The following SKA2 variants were observed in gnomAD, a reference collection of about 807,000 sequenced individuals.
The protein encoded by SKA2 is spindle and kinetochore-associated protein 2.
SKA2 carries 13 observed loss-of-function variants against 16.9 expected under a neutral mutation model. The observed-to-expected ratio is 0.77, with a 90% CI of 0.50 to 1.22. The LOEUF (loss-of-function observed/expected upper bound fraction) is 1.22, where lower values mean the gene tolerates loss of function less well. Among genes scored for constraint, SKA2 ranks in the 50% most tolerant of loss-of-function variants. The probability of loss-of-function intolerance (pLI) is 0.00; values close to 1 mark genes in which losing one functional copy is unlikely to be tolerated. For synonymous variants in SKA2, 47 were observed against 48.5 expected, an observed-to-expected ratio of 0.97 and a Z score of 0.13; for missense variants, 107 against 139.7, an observed-to-expected ratio of 0.77 and a Z score of 1.18.
intron 2 of SKA2, among the ~76,000 whole-genome samples, chr17:59,123,985 A>G (rs1939981331): frequency 6.6e-6 from 1 of 152,228 alleles, no homozygotes; most frequent in Admixed American, 6.5e-5. Context: ...ATAAAGATGC[A>G]GTACAAGGAA....
intron 1 of SKA2, among the ~76,000 whole-genome samples, chr17:59,147,244 A>G (rs1382973187): frequency 6.6e-6 from 1 of 151,988 alleles, no homozygotes; most frequent in Non-Finnish European, 1.5e-5. Context: ...AAAAACAAAA[A>G]CAAAATCAAA....
intron 2 of SKA2, among the ~76,000 whole-genome samples, chr17:59,127,940 G>A (rs1318600143): frequency 5.3e-5 from 8 of 152,090 alleles, no homozygotes; most frequent in East Asian, 1.9e-4. Flanking sequence ...AGTATGGGCC[G>A]GGCACGGTGG....
In SKA2 at chr17:59,110,773, A is replaced by C. The variant is rs2046258563; in HGVS notation, c.*1504T>G. On this transcript the variant is annotated 3_prime_UTR_variant, in exon 4 of 4. Transcript: ENST00000330137. ...CACTGCATTCCAGCCTGGGCAACAG[A>C]GTGAGACTCCGTCTCAAAAAAAAAA... The C allele has an allele frequency of 8.0e-6, 1 of 124,252 alleles. No homozygotes were observed. Among genetic ancestry groups the C allele is most frequent in the African/African-American group, 3.1e-5 (1 of 32,732 alleles). The allele number at this position is 124,252 out of a possible 1,614,324, so 7.7% of individuals were successfully genotyped here.
At chr17:59,145,598 G>A (rs1257755920) in intron 1 of SKA2, among the ~76,000 whole-genome samples, 1 of 151,930 alleles carries the variant, frequency 6.6e-6, no homozygotes, top group Non-Finnish European at 1.5e-5. Flanking sequence ...TAATTTATAT[G>A]TGTACTTAAT....
chr17:59,145,273 T>C (rs772737295), intron 1 of SKA2, among the ~76,000 whole-genome samples: 1 of 152,170 alleles, frequency 6.6e-6, no homozygotes, highest in Admixed American at 6.6e-5. Context: ...TAATAAACAG[T>C]ATGGTAAGAA....
Position 59,125,488 on chromosome 17 carries a change from G to T in SKA2, c.120+5793C>A, listed in dbSNP as rs574466188. Among the ~76,000 whole-genome samples the T allele has an allele frequency of 4.0e-5, 6 of 150,654 alleles. No homozygotes were observed. In the South Asian group the frequency reaches 1.3e-3, roughly 32 times the overall value. On this transcript the variant is annotated intron_variant, in intron 2 of 3. Transcript: ENST00000330137. The stretch of plus-strand genomic sequence containing the variant: ...GGCCAAGACTGGTGGATCACCTGAG[G>T]TCAGGAGTTCAAGACCAGCCTGACC...
chr17:59,146,411 A>G (rs1476800268), intron 1 of SKA2, among the ~76,000 whole-genome samples: 3 of 152,162 alleles, frequency 2.0e-5, no homozygotes, highest in Non-Finnish European at 4.4e-5. Flanking sequence ...ACGCAGGCAA[A>G]TAGCTTGAAC....
chr17:59,147,949 TCTCCTGCCTTAGC>T (rs2046546702), intron 1 of SKA2, among the ~76,000 whole-genome samples: 1 of 151,956 alleles, frequency 6.6e-6, no homozygotes, highest in South Asian at 2.1e-4. Flanking sequence ...TTCAAGCAAT[TCTCCTGCCTTAGC>T]CTCCCAAGTA....
At chr17:59,131,260 C>A in intron 2 of SKA2, 21 bp downstream of exon 2, 1 of 1,540,518 alleles carries the variant, frequency 6.5e-7, no homozygotes, top group Non-Finnish European at 8.8e-7. Flanking sequence ...TTTTTTTAAG[C>A]TTATTTATTT....
At chr17:59,133,211 C>G (rs1224520477) in intron 1 of SKA2, among the ~76,000 whole-genome samples, 2 of 152,210 alleles carry the variant, frequency 1.3e-5, no homozygotes, top group Non-Finnish European at 2.9e-5. Context: ...GTCCTCCCAC[C>G]TCAGCCTCCC....
At chr17:59,120,821 C>T (rs1051557874) in intron 2 of SKA2, among the ~76,000 whole-genome samples, 6 of 152,068 alleles carry the variant, frequency 3.9e-5, no homozygotes, top group African/African-American at 1.4e-4. Flanking sequence ...GAGAAAATCT[C>T]CAATCTAGAA....
In SKA2 at chr17:59,134,572, G is replaced by T. The variant is rs570604935; in HGVS notation, c.34-3205C>A. On this transcript the variant is annotated intron_variant, in intron 1 of 3. Transcript: ENST00000330137. ...AATGGTAACTTTCCTTTTTTTTTTTGGAGGAGTCTTGTTCTGTTGCCCAGG... is the reference window on the plus strand; with the variant it reads ...AATGGTAACTTTCCTTTTTTTTTTTTGAGGAGTCTTGTTCTGTTGCCCAGG... Among the ~76,000 whole-genome samples, 108 of 139,008 alleles carry T rather than the reference G, an allele frequency of 7.8e-4. 1 individual carries two copies. Among genetic ancestry groups the T allele is most frequent in the Non-Finnish European group, 5.0e-4 (32 of 64,038 alleles). The allele number at this position is 139,008 out of a possible 152,430, so 91.2% of individuals were successfully genotyped here. A position where few individuals can be genotyped will look rare whatever the true frequency, so the allele number is the denominator to read the frequency against.
At chr17:59,146,327 C>T (rs549023184) in intron 1 of SKA2, among the ~76,000 whole-genome samples, 1 of 152,106 alleles carries the variant, frequency 6.6e-6, no homozygotes, top group East Asian at 1.9e-4. Context: ...GGTGAAACCC[C>T]GTCACTACTA....
intron 1 of SKA2, chr17:59,137,707 T>A: frequency 2.0e-6 from 1 of 502,658 alleles, no homozygotes; most frequent in South Asian, 1.6e-5. Flanking sequence ...TAGTTCCTTG[T>A]TTTCTTCCTA....
intron 2 of SKA2, among the ~76,000 whole-genome samples, chr17:59,126,353 A>AG (rs1172739542): frequency 6.6e-6 from 1 of 152,164 alleles, no homozygotes; most frequent in Non-Finnish European, 1.5e-5. Context: ...CCAAATCACG[A>AG]GGGGTACTAG....
rs1408016635 is a variant in SKA2, at chr17:59,112,195, T to C, written c.*82A>G. 1 of 1,145,794 alleles carries C rather than the reference T, an allele frequency of 8.7e-7. No individual in the cohort carries two copies. The highest frequency in any genetic ancestry group is 1.3e-6 in the Non-Finnish European group (1 of 773,774). The allele number at this position is 1,145,794 out of a possible 1,614,324, so 71.0% of individuals were successfully genotyped here. A position where few individuals can be genotyped will look rare whatever the true frequency, so the allele number is the denominator to read the frequency against. ...TTCACCAGCCCCCAATCTCTAGACATCAAGGGTTAACAAGACATCTTCCTA... is the reference window on the plus strand; with the variant it reads ...TTCACCAGCCCCCAATCTCTAGACACCAAGGGTTAACAAGACATCTTCCTA... On this transcript the variant is annotated 3_prime_UTR_variant, in exon 4 of 4. Coordinates refer to ENST00000330137, the MANE Select transcript of SKA2 (RefSeq NM_182620.4).
At chr17:59,112,740 AG>A (rs1481755775) in intron 3 of SKA2, among the ~76,000 whole-genome samples, 1 of 152,214 alleles carries the variant, frequency 6.6e-6, no homozygotes, top group Non-Finnish European at 1.5e-5. Context: ...GTATTTGCAT[AG>A]AAACTATACA....
chr17:59,110,614 C>G lies in SKA2; in HGVS notation c.*1663G>C, dbSNP rs1829756076. 6.6e-6 allele frequency: 1 copy of G among 151,986 alleles called. No individual in the cohort carries two copies. The highest frequency in any genetic ancestry group is 2.1e-4 in the South Asian group (1 of 4,822). 9.4% of individuals were successfully genotyped at this position (151,986 alleles called of 1,614,324 possible). Reference sequence around the variant, plus strand: ...GACCAGCCTGGTCAAGATGGTGAAGCCCCATCTCTACTAAAAATACAAAAA... The same window carrying G: ...GACCAGCCTGGTCAAGATGGTGAAGGCCCATCTCTACTAAAAATACAAAAA... On this transcript the variant is annotated 3_prime_UTR_variant, in exon 4 of 4. Coordinates refer to ENST00000330137, the MANE Select transcript of SKA2 (RefSeq NM_182620.4).
intron 1 of SKA2, among the ~76,000 whole-genome samples, chr17:59,136,960 A>C (rs2046450089): frequency 6.6e-6 from 1 of 152,210 alleles, no homozygotes; most frequent in African/African-American, 2.4e-5. Context: ...AGTTAGACAA[A>C]GTTATAGATG....
Sources: gnomAD v4.1 joint callset for allele counts (sites outside exome capture counted in the v4.1 genomes callset) on GRCh38, gnomAD v4.1.1 for gene constraint, MANE v1.5 for transcripts, NCBI Gene and HGNC (gene_info 2026-07-23, HGNC 2026-07-21) for gene names.